The following SIRT5 variants were observed in gnomAD, a reference collection of about 807,000 sequenced individuals.
SIRT5 encodes sirtuin 5, also known as NAD-dependent protein deacylase sirtuin-5, mitochondrial.
A neutral mutation model predicts 40.0 loss-of-function variants in SIRT5; 26 were observed. The observed-to-expected ratio is 0.65, with a 90% CI of 0.48 to 0.90. The LOEUF (loss-of-function observed/expected upper bound fraction) is 0.90, where lower values mean the gene tolerates loss of function less well. SIRT5 is among the 40% of genes least tolerant of loss of function. SIRT5 has a pLI of 0.00. For synonymous variants in SIRT5, 146 were observed against 149.1 expected, an observed-to-expected ratio of 0.98 and a Z score of 0.15; for missense variants, 401 against 402.4, an observed-to-expected ratio of 1.00 and a Z score of 0.03.
chr6:13,578,639 A>G (rs1758944851), intron 1 of SIRT5, among the ~76,000 whole-genome samples: 3 of 150,036 alleles, frequency 2.0e-5, no homozygotes, highest in South Asian at 4.2e-4. Flanking sequence ...AAAAAAAAAG[A>G]AAATAATTGG....
At chr6:13,588,786 A>G (rs917081418) in intron 4 of SIRT5, among the ~76,000 whole-genome samples, 1 of 152,242 alleles carries the variant, frequency 6.6e-6, no homozygotes, top group Non-Finnish European at 1.5e-5. Flanking sequence ...ATTGAACTCA[A>G]GTATGACACA....
At chr6:13,579,906 G>A (rs1331560754) in intron 2 of SIRT5, among the ~76,000 whole-genome samples, 3 of 152,200 alleles carry the variant, frequency 2.0e-5, no homozygotes, top group Non-Finnish European at 2.9e-5. Context: ...GTTCCTTACT[G>A]AGTTTTCCAG....
In SIRT5 at chr6:13,581,674, G is replaced by C. The variant is rs188136201; in HGVS notation, c.-36+2065G>C. ...TTGTTTACCCATTTATAAATTGATG[G>C]ACATTTGGTTTGCTTCTAGTCTTGA... On this transcript the variant is annotated intron_variant, in intron 2 of 9. Transcript: ENST00000606117. Among the ~76,000 whole-genome samples the C allele has an allele frequency of 9.1e-4, 139 of 152,240 alleles. 1 individual carries two copies. Among genetic ancestry groups the C allele is most frequent in the African/African-American group, 3.1e-3 (127 of 41,522 alleles).
intron 2 of SIRT5, among the ~76,000 whole-genome samples, chr6:13,582,611 C>CAAAA (rs756756300): frequency 4.1e-5 from 5 of 122,082 alleles, no homozygotes; most frequent in African/African-American, 6.2e-5. Flanking sequence ...TGCCTCCCAC[C>CAAAA]AAAAAAAAAA....
At chr6:13,579,976 C>A (rs571419360) in intron 2 of SIRT5, among the ~76,000 whole-genome samples, 1 of 152,310 alleles carries the variant, frequency 6.6e-6, no homozygotes, top group African/African-American at 2.4e-5. Flanking sequence ...CATGGCAATC[C>A]ATTTTCCTCA....
At chr6:13,579,775 A>G (rs975565684) in intron 2 of SIRT5, among the ~76,000 whole-genome samples, 166 bp downstream of exon 2, 1 of 152,224 alleles carries the variant, frequency 6.6e-6, no homozygotes, top group African/African-American at 2.4e-5. Flanking sequence ...CATGCCCCTA[A>G]TTATTGAAGC....
intron 3 of SIRT5, among the ~76,000 whole-genome samples, chr6:13,587,091 C>T (rs775346483): frequency 2.7e-5 from 4 of 147,506 alleles, no homozygotes; most frequent in Admixed American, 2.0e-4. Context: ...GAATTCAGCT[C>T]CACATTTGCT....
At chr6:13,594,777 G>T (rs1002665837) in intron 5 of SIRT5, among the ~76,000 whole-genome samples, 1 of 152,222 alleles carries the variant, frequency 6.6e-6, no homozygotes, top group South Asian at 2.1e-4. Flanking sequence ...TGCTCTGCAC[G>T]GCACCAGTTG....
intron 1 of SIRT5, among the ~76,000 whole-genome samples, chr6:13,577,562 A>G (rs1220711076): frequency 6.6e-6 from 1 of 151,150 alleles, no homozygotes; most frequent in Non-Finnish European, 1.5e-5. Context: ...TGTATTCTGT[A>G]TATAAAATCA....
At chr6:13,589,379 C>T (rs910016634) in intron 4 of SIRT5, 4 of 152,466 alleles carry the variant, frequency 2.6e-5, no homozygotes, top group Admixed American at 2.6e-4. Context: ...ATCCACCCAT[C>T]TTGGCCTCCC....
chr6:13,595,704 G>A, intron 6 of SIRT5, 140 bp downstream of exon 6: 1 of 713,260 alleles, frequency 1.4e-6, no homozygotes, highest in Non-Finnish European at 2.4e-6. Flanking sequence ...TGGGTGCAGT[G>A]GCTCATGCCT....
intron 9 of SIRT5, among the ~76,000 whole-genome samples, chr6:13,611,052 C>T (rs1487440382): frequency 6.6e-6 from 1 of 151,564 alleles, no homozygotes; most frequent in Admixed American, 6.6e-5. Flanking sequence ...TTTTTTCTAA[C>T]TACACCTCAG....
At chr6:13,606,067 A>T (rs572066883) in intron 9 of SIRT5, among the ~76,000 whole-genome samples, 1 of 152,390 alleles carries the variant, frequency 6.6e-6, no homozygotes, top group Admixed American at 6.5e-5. Context: ...TGAGGCAGAC[A>T]GGTAAGCAGT....
chr6:13,574,292 G>A (rs898552550), upstream of SIRT5, among the ~76,000 whole-genome samples: 3 of 152,228 alleles, frequency 2.0e-5, no homozygotes, highest in East Asian at 1.9e-4. Context: ...CAGCCGGCGC[G>A]CCCGCCTCCC....
At chr6:13,592,276 A>G (rs1180468171) in intron 5 of SIRT5, among the ~76,000 whole-genome samples, 2 of 152,010 alleles carry the variant, frequency 1.3e-5, no homozygotes, top group Admixed American at 6.6e-5. Flanking sequence ...TGCTTTTTAT[A>G]CTGGAGGAAC....
chr6:13,609,904 G>T (rs1236418519), intron 9 of SIRT5, among the ~76,000 whole-genome samples: 2 of 152,178 alleles, frequency 1.3e-5, no homozygotes, highest in East Asian at 1.9e-4. Context: ...GTAATCTTCA[G>T]TGTTGTTTTT....
Position 13,614,986 on chromosome 6 carries a change from G to A in SIRT5, c.*3121G>A, listed in dbSNP as rs372792169. 634 of 221,406 alleles carry A rather than the reference G, an allele frequency of 2.9e-3. 5 individuals carry two copies. The highest frequency in any genetic ancestry group is 0.014 in the African/African-American group (602 of 44,104). 13.7% of individuals were successfully genotyped at this position (221,406 alleles called of 1,614,324 possible). On this transcript the variant is annotated 3_prime_UTR_variant, in exon 10 of 10. Transcript: ENST00000606117. The stretch of plus-strand genomic sequence containing the variant: ...GAACCCAGGGCCAAAAAACGGCGGC[G>A]AGCAGCGCCTCGGGCCCGCGATTAC...
chr6:13,583,390 G>A (rs1357686406), intron 2 of SIRT5, among the ~76,000 whole-genome samples: 3 of 150,810 alleles, frequency 2.0e-5, no homozygotes, highest in African/African-American at 7.3e-5. Context: ...TGCCTCCGGG[G>A]TTCAAGTAGT....
At chr6:13,580,115 C>A (rs1031327349) in intron 2 of SIRT5, among the ~76,000 whole-genome samples, 8 of 152,334 alleles carry the variant, frequency 5.3e-5, no homozygotes, top group African/African-American at 1.9e-4. Flanking sequence ...CCTCTAGCAG[C>A]CAGTCTGCCT....
Sources: gnomAD v4.1 joint callset for allele counts (sites outside exome capture counted in the v4.1 genomes callset) on GRCh38, gnomAD v4.1.1 for gene constraint, MANE v1.5 for transcripts, NCBI Gene and HGNC (gene_info 2026-07-23, HGNC 2026-07-21) for gene names.